The following PCDHA11 variants were observed in gnomAD, a reference collection of about 807,000 sequenced individuals.
The protein encoded by PCDHA11 is protocadherin alpha-11.
PCDHA11 carries 61 observed loss-of-function variants against 70.3 expected under a neutral mutation model. The ratio of observed to expected loss-of-function variants is 0.87; its 90% CI spans 0.71 to 1.07. The LOEUF is 1.07. Among genes scored for constraint, PCDHA11 ranks in the 50% least tolerant of loss-of-function variants. The pLI, the probability that PCDHA11 is intolerant of heterozygous loss-of-function variation, is 0.00. For missense variants in PCDHA11, 1,324 were observed against 1,237.5 expected (o/e 1.07, Z -1.05); for synonymous variants, 633 against 555.1 (o/e 1.14, Z -1.97).
intron 3 of PCDHA11, among the ~76,000 whole-genome samples, chr5:140,994,668 G>A (rs2097644296): frequency 6.6e-6 from 1 of 152,118 alleles, no homozygotes; most frequent in Admixed American, 6.5e-5. Context: ...TCACACTACT[G>A]CACTCCAGCC....
At chr5:140,924,208 G>T (rs1197265860) in intron 1 of PCDHA11, among the ~76,000 whole-genome samples, 1 of 152,238 alleles carries the variant, frequency 6.6e-6, no homozygotes, top group Non-Finnish European at 1.5e-5. Flanking sequence ...GAAATTTGGT[G>T]AAGAATAAGT....
chr5:140,989,630 G>C (rs1483532761), intron 3 of PCDHA11, among the ~76,000 whole-genome samples: 4 of 152,228 alleles, frequency 2.6e-5, no homozygotes, highest in Admixed American at 2.6e-4. Context: ...CCTAGTGACA[G>C]CAAGGGTCTT....
intron 1 of PCDHA11, chr5:140,966,279 G>C (rs1429727504): frequency 3.3e-5 from 12 of 364,508 alleles, no homozygotes; most frequent in Non-Finnish European, 4.9e-5. Context: ...ACTGGACAGT[G>C]GGGGTAGGGA....
chr5:141,011,084 C>A lies in PCDHA11; in HGVS notation c.*1147C>A, dbSNP rs928216799. Reference sequence around the variant, plus strand: ...CATGTATTACTAAATAAAATGATCTCTCTTTCTCTCTCTCTCTCTCTTTTC... The same window carrying A: ...CATGTATTACTAAATAAAATGATCTATCTTTCTCTCTCTCTCTCTCTTTTC... On this transcript the variant is annotated 3_prime_UTR_variant, in exon 4 of 4. Transcript: ENST00000398640. 1.3e-5 allele frequency: 2 copies of A among 153,722 alleles called. No individual in the cohort carries two copies. The highest frequency in any genetic ancestry group is 2.9e-5 in the Non-Finnish European group (2 of 68,048). The allele number at this position is 153,722 out of a possible 1,614,324, so 9.5% of individuals were successfully genotyped here.
chr5:140,890,608 G>A (rs1451973329), intron 1 of PCDHA11, among the ~76,000 whole-genome samples: 1 of 152,026 alleles, frequency 6.6e-6, no homozygotes, highest in African/African-American at 2.4e-5. Flanking sequence ...AATAGCTAGT[G>A]CTTACCCTAG....
At chr5:140,941,222 T>TCTTC (rs2092907237) in intron 1 of PCDHA11, among the ~76,000 whole-genome samples, 2 of 116,858 alleles carry the variant, frequency 1.7e-5, no homozygotes, top group Non-Finnish European at 3.8e-5. Flanking sequence ...TTCCTTTCTT[T>TCTTC]CTTTCTTTCT....
chr5:140,979,306 C>T (rs1554240481), intron 2 of PCDHA11, among the ~76,000 whole-genome samples: 1 of 152,206 alleles, frequency 6.6e-6, no homozygotes, highest in African/African-American at 2.4e-5. Context: ...CTTCATCCCT[C>T]TCTACCTATG....
intron 1 of PCDHA11, among the ~76,000 whole-genome samples, chr5:140,937,385 T>G (rs1022137225): frequency 2.6e-5 from 4 of 152,170 alleles, no homozygotes; most frequent in Admixed American, 2.6e-4. Flanking sequence ...TGTGTGTATG[T>G]GTATATAGGG....
chr5:140,906,893 GT>G (rs1191460812), intron 1 of PCDHA11, among the ~76,000 whole-genome samples: 7 of 152,170 alleles, frequency 4.6e-5, no homozygotes, highest in Admixed American at 6.5e-5. Context: ...TTCTTAGATT[GT>G]TGGTTTAAAG....
intron 1 of PCDHA11, chr5:140,966,896 C>G (rs910624863): frequency 6.3e-6 from 10 of 1,596,816 alleles, no homozygotes; most frequent in Non-Finnish European, 8.5e-6. Flanking sequence ...GGCCTCCCAG[C>G]TGCGATACTC....
Position 141,010,117 on chromosome 5 carries a change from T to C in PCDHA11, c.*180T>C. Reference sequence around the variant, plus strand: ...TTTAACAGGTTTTGTCGTAAAAGCTTTACTAAGTCTGGTGTTAACTCTTTC... The same window carrying C: ...TTTAACAGGTTTTGTCGTAAAAGCTCTACTAAGTCTGGTGTTAACTCTTTC... On this transcript the variant is annotated 3_prime_UTR_variant, in exon 4 of 4. Transcript: ENST00000398640. 1 of 1,608,612 alleles carries C rather than the reference T, an allele frequency of 6.2e-7. No individual in the cohort carries two copies. The highest frequency in any genetic ancestry group is 8.5e-7 in the Non-Finnish European group (1 of 1,177,044).
At chr5:140,972,500 T>C (rs1554234162) in intron 1 of PCDHA11, among the ~76,000 whole-genome samples, 1 of 152,108 alleles carries the variant, frequency 6.6e-6, no homozygotes, top group Non-Finnish European at 1.5e-5. Flanking sequence ...AATCTGTTGG[T>C]AGATTTTACC....
intron 3 of PCDHA11, among the ~76,000 whole-genome samples, chr5:140,984,674 G>A (rs2097114009): frequency 6.6e-6 from 1 of 152,090 alleles, no homozygotes; most frequent in Non-Finnish European, 1.5e-5. Context: ...AGGTTTTTAG[G>A]ACTCAATATA....
At chr5:140,960,823 G>A (rs370898808) in intron 1 of PCDHA11, among the ~76,000 whole-genome samples, 2 of 152,012 alleles carry the variant, frequency 1.3e-5, no homozygotes, top group East Asian at 3.9e-4. Context: ...AGTGATGAAT[G>A]GAAACTTGGA....
chr5:140,985,572 C>G (rs2097158307), intron 3 of PCDHA11, among the ~76,000 whole-genome samples: 1 of 152,142 alleles, frequency 6.6e-6, no homozygotes, highest in Non-Finnish European at 1.5e-5. Context: ...CTTTCTGGTG[C>G]CTAAGCCTCC....
At chr5:140,884,977 A>C (rs782168505) in intron 1 of PCDHA11, among the ~76,000 whole-genome samples, 19 of 152,222 alleles carry the variant, frequency 1.2e-4, no homozygotes, top group Admixed American at 5.2e-4. Context: ...GAGAACTTAA[A>C]CATTTAGAAA....
At chr5:141,006,368 C>A (rs1395158727) in intron 3 of PCDHA11, among the ~76,000 whole-genome samples, 1 of 151,954 alleles carries the variant, frequency 6.6e-6, no homozygotes, top group Non-Finnish European at 1.5e-5. Flanking sequence ...CCCACCACCA[C>A]GCCCGGCTAA....
intron 2 of PCDHA11, among the ~76,000 whole-genome samples, chr5:140,980,713 C>A (rs1034858406): frequency 1.3e-5 from 2 of 151,364 alleles, no homozygotes; most frequent in Non-Finnish European, 2.9e-5. Context: ...TGCTCCTATT[C>A]GGGTTTCAAT....
At chr5:140,917,014 T>C (rs1272670553) in intron 1 of PCDHA11, among the ~76,000 whole-genome samples, 1 of 152,168 alleles carries the variant, frequency 6.6e-6, no homozygotes, top group Non-Finnish European at 1.5e-5. Context: ...TCTCCCTTCA[T>C]GTGCAGCTGC....
Sources: gnomAD v4.1 joint callset for allele counts (sites outside exome capture counted in the v4.1 genomes callset) on GRCh38, gnomAD v4.1.1 for gene constraint, MANE v1.5 for transcripts, NCBI Gene and HGNC (gene_info 2026-07-23, HGNC 2026-07-21) for gene names.